The following VAPB variants were observed in gnomAD, a reference collection of about 807,000 sequenced individuals.
VAPB encodes vesicle-associated membrane protein-associated protein B/C.
Under a neutral mutation model 25.6 loss-of-function variants are expected in VAPB, and 7 were observed. The observed-to-expected ratio is 0.27, with a 90% confidence interval of 0.16 to 0.51. The LOEUF (loss-of-function observed/expected upper bound fraction) is 0.51. Ranked by LOEUF, VAPB falls within the 20% of genes least tolerant of loss-of-function variation. The pLI, the probability that VAPB is intolerant of heterozygous loss-of-function variation, is 0.97. For synonymous variants in VAPB, 112 were observed against 109.2 expected (o/e 1.03, Z -0.16); for missense variants, 266 against 301.3 (o/e 0.88, Z 0.87).
At chr20:58,406,529 C>G (rs1270943243) in intron 1 of VAPB, among the ~76,000 whole-genome samples, 1 of 152,222 alleles carries the variant, frequency 6.6e-6, no homozygotes, top group Non-Finnish European at 1.5e-5. Context: ...TCTACTGTTT[C>G]TCATCGTTCA....
At chr20:58,409,820 A>G (rs1988327829) in intron 1 of VAPB, among the ~76,000 whole-genome samples, 1 of 152,104 alleles carries the variant, frequency 6.6e-6, no homozygotes. Flanking sequence ...AAGGAAGGAT[A>G]TGTATTTGTG....
At position 58,447,066 on chromosome 20, in the gene VAPB, C is replaced by T; in HGVS notation, c.*2831C>T. On this transcript the variant is annotated 3_prime_UTR_variant, in exon 6 of 6. Coordinates refer to ENST00000475243, the MANE Select transcript of VAPB (RefSeq NM_004738.5). ...CTGGGCAGTGTGCATGGGGGAGCTG[C>T]TGCCAGGCTGCCCTCCAGTCTGCTC... is the stretch of plus-strand genomic sequence containing the variant. 1 of 454,076 alleles carries T rather than the reference C, an allele frequency of 2.2e-6. No homozygotes were observed. The highest frequency in any genetic ancestry group is 1.6e-5 in the South Asian group (1 of 64,478). 28.1% of individuals were successfully genotyped at this position (454,076 alleles called of 1,614,324 possible).
chr20:58,409,993 G>A (rs1403642200), intron 1 of VAPB, among the ~76,000 whole-genome samples: 1 of 151,736 alleles, frequency 6.6e-6, no homozygotes, highest in Non-Finnish European at 1.5e-5. Flanking sequence ...TGTTAAGGGG[G>A]ATACTACCGA....
At chr20:58,424,739 A>G (rs1988749966) in intron 2 of VAPB, among the ~76,000 whole-genome samples, 1 of 152,230 alleles carries the variant, frequency 6.6e-6, no homozygotes, top group South Asian at 2.1e-4. Context: ...TACTGGAGAA[A>G]GGAGACCTCA....
At chr20:58,392,534 T>G (rs568702668) in intron 1 of VAPB, among the ~76,000 whole-genome samples, 3 of 152,314 alleles carry the variant, frequency 2.0e-5, no homozygotes, top group Admixed American at 2.0e-4. Flanking sequence ...GCTAAGACAG[T>G]ACAATTAATA....
chr20:58,423,443 A>AAAAAAAC (rs1988716585), intron 2 of VAPB, among the ~76,000 whole-genome samples: 3 of 145,780 alleles, frequency 2.1e-5, no homozygotes, highest in South Asian at 2.2e-4. Context: ...AAAAAAAAAA[A>AAAAAAAC]AAAAAAGAAA....
chr20:58,403,361 A>G (rs1031844052), intron 1 of VAPB, among the ~76,000 whole-genome samples: 1 of 152,184 alleles, frequency 6.6e-6, no homozygotes, highest in Admixed American at 6.5e-5. Flanking sequence ...TGTGCCTACA[A>G]ACATGCTTAA....
At position 58,389,381 on chromosome 20, in the gene VAPB, G is replaced by T; in HGVS notation, c.-79G>T. 7.4e-7 allele frequency: 1 copy of T among 1,358,750 alleles called. No homozygotes were observed. Among genetic ancestry groups the T allele is most frequent in the Admixed American group, 2.2e-5 (1 of 44,576 alleles). The allele number at this position is 1,358,750 out of a possible 1,614,324, so 84.2% of individuals were successfully genotyped here. On this transcript the variant is annotated 5_prime_UTR_variant, in exon 1 of 6. Coordinates refer to ENST00000475243, the MANE Select transcript of VAPB (RefSeq NM_004738.5). ...TCCCCGCCTTTTTGTAAAACTTAAA[G>T]CGGGCGCAGCATTAACGCTTCCCGC...
chr20:58,426,437 G>A (rs1254175742), intron 2 of VAPB, among the ~76,000 whole-genome samples: 3 of 152,132 alleles, frequency 2.0e-5, no homozygotes, highest in Non-Finnish European at 4.4e-5. Flanking sequence ...GGGTAAGGGA[G>A]AATCAAGAGA....
chr20:58,389,662 G>T lies in VAPB; in HGVS notation c.58+145G>T. The T allele has an allele frequency of 8.1e-6, 7 of 864,490 alleles. No homozygotes were observed. The South Asian group carries it at 1.9e-4, about 23-fold the overall frequency. The allele number at this position is 864,490 out of a possible 1,614,324, so 53.6% of individuals were successfully genotyped here. The stretch of plus-strand genomic sequence containing the variant: ...GGGCGGCGAGGCCGGGCCGGGCCTT[G>T]GCGCTCGCCGCGCTCCCCAGAACTG... On this transcript the variant is annotated intron_variant, in intron 1 of 5. Transcript: ENST00000475243.
At chr20:58,413,423 T>C (rs1454481806) in intron 1 of VAPB, among the ~76,000 whole-genome samples, 1 of 152,132 alleles carries the variant, frequency 6.6e-6, no homozygotes, top group Non-Finnish European at 1.5e-5. Context: ...CATTTAACCC[T>C]GAGTGGACAC....
At chr20:58,396,695 C>G (rs1987966408) in intron 1 of VAPB, among the ~76,000 whole-genome samples, 1 of 152,084 alleles carries the variant, frequency 6.6e-6, no homozygotes, top group Admixed American at 6.5e-5. Flanking sequence ...AAAGCAGTGG[C>G]TGACATACAT....
At chr20:58,434,553 C>A in intron 2 of VAPB, 49 bp from the exon 3 acceptor site, 2 of 906,644 alleles carry the variant, frequency 2.2e-6, no homozygotes, top group Non-Finnish European at 3.7e-6. Flanking sequence ...TAATAAATGG[C>A]ACTGACAACC....
chr20:58,434,949 C>A (rs1989008612), intron 3 of VAPB, among the ~76,000 whole-genome samples: 2 of 152,132 alleles, frequency 1.3e-5, no homozygotes, highest in African/African-American at 4.8e-5. Flanking sequence ...GCTCAGTGTG[C>A]TTCAGCAGCT....
At chr20:58,415,285 A>C (rs1479884600) in intron 1 of VAPB, among the ~76,000 whole-genome samples, 1 of 152,242 alleles carries the variant, frequency 6.6e-6, no homozygotes, top group Non-Finnish European at 1.5e-5. Flanking sequence ...ACAGCATGTC[A>C]AGGAATTCAT....
At chr20:58,421,393 TTTTA>T (rs1988666253) in intron 2 of VAPB, among the ~76,000 whole-genome samples, 1 of 152,216 alleles carries the variant, frequency 6.6e-6, no homozygotes, top group Admixed American at 6.5e-5. Flanking sequence ...TACCCCTATA[TTTTA>T]TTTATTTATG....
rs1196110964 is a variant in VAPB at position 58,429,219 on chromosome 20, TC to T, written c.212-5381del. Among the ~76,000 whole-genome samples, 10 of 152,214 alleles carry T rather than the reference TC, an allele frequency of 6.6e-5. No individual in the cohort carries two copies. In the East Asian group the frequency reaches 1.9e-3, roughly 29 times the overall value. On this transcript the variant is annotated intron_variant, in intron 2 of 5. Transcript: ENST00000475243. ...AACTACCCACCTTATACCCAGAACT[TC>T]CTGAAAGTTGACATGCCGGTAGGGC...
intron 2 of VAPB, chr20:58,431,312 C>T (rs763113732): frequency 6.6e-6 from 1 of 152,330 alleles, no homozygotes; most frequent in African/African-American, 2.4e-5. Context: ...CATTTCTTTT[C>T]CTGATGATCT....
intron 1 of VAPB, among the ~76,000 whole-genome samples, chr20:58,410,183 A>C (rs891592897): frequency 6.6e-6 from 1 of 152,154 alleles, no homozygotes; most frequent in Admixed American, 6.5e-5. Flanking sequence ...CTACACTGAG[A>C]GGTACATTGG....
Sources: gnomAD v4.1 joint callset for allele counts (sites outside exome capture counted in the v4.1 genomes callset) on GRCh38, gnomAD v4.1.1 for gene constraint, MANE v1.5 for transcripts, NCBI Gene and HGNC (gene_info 2026-07-23, HGNC 2026-07-21) for gene names.